Variants in RALGAPA1 observed in about 807,000 individuals in gnomAD.
RALGAPA1 encodes Ral GTPase activating protein catalytic subunit alpha 1, also known as ral GTPase-activating protein subunit alpha-1.
In RALGAPA1, 52 loss-of-function variants were observed where a neutral mutation model predicts 269.6. That is an observed-to-expected ratio of 0.19 (90% CI 0.15 to 0.24). The LOEUF is 0.24. RALGAPA1 is among the 10% of genes least tolerant of loss of function. RALGAPA1 has a pLI of 1.00. For synonymous variants in RALGAPA1, 817 were observed against 1,008.3 expected (o/e 0.81, Z 3.60); for missense variants, 1,917 against 3,013.9 (o/e 0.64, Z 8.52).
At chr14:35,623,763 A>G (rs1435133013) in intron 35 of RALGAPA1, among the ~76,000 whole-genome samples, 1 of 152,192 alleles carries the variant, frequency 6.6e-6, no homozygotes, top group Admixed American at 6.5e-5. Context: ...ATGTCCAACA[A>G]TCATAAAACC....
intron 31 of RALGAPA1, among the ~76,000 whole-genome samples, chr14:35,644,385 TA>T (rs2062244435): frequency 6.6e-6 from 1 of 151,996 alleles, no homozygotes; most frequent in South Asian, 2.1e-4. Flanking sequence ...CTAAAAAAAT[TA>T]AAACAACAGA....
intron 10 of RALGAPA1, among the ~76,000 whole-genome samples, chr14:35,748,173 T>C (rs2072309052): frequency 6.6e-6 from 1 of 151,950 alleles, no homozygotes; most frequent in Non-Finnish European, 1.5e-5. Flanking sequence ...GCTAAAAGTA[T>C]CACAAACTAA....
intron 16 of RALGAPA1, among the ~76,000 whole-genome samples, chr14:35,705,698 C>T (rs1331876683): frequency 6.6e-6 from 1 of 152,104 alleles, no homozygotes; most frequent in African/African-American, 2.4e-5. Context: ...TGGCTGGATC[C>T]TACAGTAAGA....
chr14:35,621,693 A>T (rs563394811), intron 35 of RALGAPA1, among the ~76,000 whole-genome samples: 1 of 152,248 alleles, frequency 6.6e-6, no homozygotes, highest in Non-Finnish European at 1.5e-5. Context: ...GCCATCAAAA[A>T]GTGGGCAAAG....
At chr14:35,701,938 C>T (rs758381363) in intron 16 of RALGAPA1, among the ~76,000 whole-genome samples, 11 of 152,154 alleles carry the variant, frequency 7.2e-5, no homozygotes, top group African/African-American at 1.4e-4. Context: ...AATAAGTCAC[C>T]ATGGCCAGTC....
At chr14:35,803,448 T>TA (rs879267639) in intron 1 of RALGAPA1, among the ~76,000 whole-genome samples, 2 of 151,396 alleles carry the variant, frequency 1.3e-5, no homozygotes, top group African/African-American at 2.4e-5. Flanking sequence ...AGATACAAAA[T>TA]AAAAAAAATA....
Position 35,627,517 on chromosome 14 carries a change from G to C in RALGAPA1, c.6430C>G (p.Pro2144Ala). 6.2e-7 allele frequency: 1 copy of C among 1,601,728 alleles called. No individual in the cohort carries two copies. The highest frequency in any genetic ancestry group is 8.5e-7 in the Non-Finnish European group (1 of 1,175,686). ...FMLSLSHQEK[P>A]EEPPTSNECL... ...TCATTAGATGTCGGAGGCTCTTCTG[G>C]CTTCTCTTGGTGAGACAATGAAAGC... Residue 2144 changes from proline (P) to alanine (A), a missense_variant, in exon 34 of 42, where the codon CCA becomes GCA. Pro to Ala is a conservative substitution (Grantham distance 27). Around this residue, in one of 11 missense-constraint regions of RALGAPA1, gnomAD observed 346 missense variants for 566.1 expected, o/e 0.61. Coordinates refer to ENST00000680220, the MANE Select transcript of RALGAPA1 (RefSeq NM_001346249.2).
chr14:35,635,448 A>G lies in RALGAPA1; in HGVS notation c.5811+16T>C, dbSNP rs767552694. ...ACTCTTGGTTACCAAATAAATAATAAAGCAAGGAAGTTTACCTTATAAATG... is the reference window on the plus strand; with the variant it reads ...ACTCTTGGTTACCAAATAAATAATAGAGCAAGGAAGTTTACCTTATAAATG... On this transcript the variant is annotated intron_variant, in intron 32 of 41. Transcript: ENST00000680220. 9.6e-6 allele frequency: 15 copies of G among 1,568,804 alleles called. No individual in the cohort carries two copies. Among genetic ancestry groups the G allele is most frequent in the Non-Finnish European group, 1.3e-5 (15 of 1,160,888 alleles).
rs773635153 is a variant in RALGAPA1, at chr14:35,570,603, TA to T, written c.7496+13del. The T allele has an allele frequency of 6.3e-6, 10 of 1,591,358 alleles. No homozygotes were observed. The East Asian group carries it at 6.8e-5, about 11-fold the overall frequency. On this transcript the variant is annotated intron_variant, in intron 39 of 41. Coordinates refer to ENST00000680220, the MANE Select transcript of RALGAPA1 (RefSeq NM_001346249.2). ...TACGTTAGAGTAGAAACCATTACAT[TA>T]AAAAAAGGATACAAGTTTTGATACA... is the stretch of plus-strand genomic sequence containing the variant.
intron 12 of RALGAPA1, among the ~76,000 whole-genome samples, chr14:35,731,499 A>G (rs2070473494): frequency 6.6e-6 from 1 of 152,198 alleles, no homozygotes; most frequent in South Asian, 2.1e-4. Context: ...ACAAGAAGTG[A>G]AGGGACAAAT....
At chr14:35,770,019 G>A (rs1460275635) in intron 4 of RALGAPA1, among the ~76,000 whole-genome samples, 2 of 152,006 alleles carry the variant, frequency 1.3e-5, no homozygotes, top group Non-Finnish European at 2.9e-5. Context: ...CATAAACAGA[G>A]AGGCAAACTG....
At chr14:35,662,500 G>T (rs1390224264) in intron 27 of RALGAPA1, among the ~76,000 whole-genome samples, 1 of 152,058 alleles carries the variant, frequency 6.6e-6, no homozygotes, top group Non-Finnish European at 1.5e-5. Flanking sequence ...ATTATTATTA[G>T]AATTGGCCCT....
At chr14:35,741,899 G>T (rs2071587034) in intron 11 of RALGAPA1, among the ~76,000 whole-genome samples, 1 of 152,162 alleles carries the variant, frequency 6.6e-6, no homozygotes, top group Admixed American at 6.5e-5. Context: ...AAGTCAAGAA[G>T]TTTCACATTC....
chr14:35,659,317 G>C (rs2063392353), intron 27 of RALGAPA1, 121 bp from the exon 28 acceptor site: 1 of 528,946 alleles, frequency 1.9e-6, no homozygotes. Flanking sequence ...TCAATAAAGA[G>C]ACCAATATTA....
intron 3 of RALGAPA1, among the ~76,000 whole-genome samples, 173 bp downstream of exon 3, chr14:35,774,833 C>T (rs986593991): frequency 6.6e-6 from 1 of 151,994 alleles, no homozygotes; most frequent in African/African-American, 2.4e-5. Context: ...ATACATTGTA[C>T]CTCAAAAAGT....
chr14:35,754,678 T>C (rs903819864), intron 7 of RALGAPA1, among the ~76,000 whole-genome samples: 2 of 152,216 alleles, frequency 1.3e-5, no homozygotes, highest in Non-Finnish European at 2.9e-5. Flanking sequence ...ATAGTCAATA[T>C]ATACCCCTAC....
intron 39 of RALGAPA1, among the ~76,000 whole-genome samples, chr14:35,550,559 G>A (rs1004018780): frequency 6.6e-6 from 1 of 151,982 alleles, no homozygotes; most frequent in Non-Finnish European, 1.5e-5. Flanking sequence ...TTCAATGGGA[G>A]ATACCATGGC....
In RALGAPA1 at chr14:35,600,232, C is replaced by CTTTTCT. The variant is rs768432859; in HGVS notation, c.7054-4444_7054-4443insAGAAAA. 1.3e-3 allele frequency among the ~76,000 whole-genome samples: 111 copies of CTTTTCT among 86,952 alleles called. 2 individuals are homozygous for CTTTTCT. Among genetic ancestry groups the CTTTTCT allele is most frequent in the East Asian group, 4.9e-3 (16 of 3,250 alleles). 57.0% of individuals were successfully genotyped at this position (86,952 alleles called of 152,430 possible). A position where few individuals can be genotyped will look rare whatever the true frequency, so the allele number is the denominator to read the frequency against. ...TCCTTTTTTTTCTTTTTCTTTTTTT[C>CTTTTCT]TTTTTTTTTTTTTTTTTGAGACAGG... On this transcript the variant is annotated intron_variant, in intron 36 of 41. Coordinates refer to ENST00000680220, the MANE Select transcript of RALGAPA1 (RefSeq NM_001346249.2).
chr14:35,570,369 G>C (rs1022551158), intron 39 of RALGAPA1, among the ~76,000 whole-genome samples: 2 of 148,192 alleles, frequency 1.3e-5, no homozygotes, highest in Admixed American at 1.3e-4. Context: ...AATAAACAGG[G>C]AATCAGGCTG....
Sources: gnomAD v4.1 joint callset for allele counts (sites outside exome capture counted in the v4.1 genomes callset) on GRCh38, gnomAD v4.1.1 for gene constraint, gnomAD v4.1.1 regional missense constraint, MANE v1.5 for transcripts, NCBI Gene and HGNC (gene_info 2026-07-23, HGNC 2026-07-21) for gene names.